AHCY: variants seen among roughly 807,000 people sequenced by gnomAD.
AHCY encodes the protein S-adenosyl-L-homocysteine hydrolase.
A neutral mutation model predicts 45.4 loss-of-function variants in AHCY; 24 were observed. The ratio of observed to expected loss-of-function variants is 0.53; its 90% CI spans 0.38 to 0.74. AHCY has a LOEUF of 0.74. AHCY is among the 30% of genes least tolerant of loss of function. AHCY has a pLI of 0.00. For missense variants in AHCY, 449 were observed against 594.1 expected, an observed-to-expected ratio of 0.76 and a Z score of 2.54; for synonymous variants, 245 against 235.1, an observed-to-expected ratio of 1.04 and a Z score of -0.39.
At chr20:34,248,820 T>G in the AHCY span, among the ~76,000 whole-genome samples, 1 of 151,336 alleles carries the variant, frequency 6.6e-6, no homozygotes, top group Non-Finnish European at 1.5e-5. Flanking sequence ...AAGAAAGAAA[T>G]ATTCAGCAGA....
chr20:34,307,424 A>T (rs2036907277), upstream of AHCY, among the ~76,000 whole-genome samples: 1 of 150,970 alleles, frequency 6.6e-6, no homozygotes, highest in Non-Finnish European at 1.5e-5. Context: ...CCAGGCTGGA[A>T]TGCAATGGCA....
At chr20:34,287,169 A>C (rs2036215123) in intron 8 of AHCY, among the ~76,000 whole-genome samples, 2 of 152,194 alleles carry the variant, frequency 1.3e-5, no homozygotes, top group Non-Finnish European at 2.9e-5. Flanking sequence ...GATGCCCATC[A>C]GGCATTGATT....
At chr20:34,240,601 C>T in the AHCY span, among the ~76,000 whole-genome samples, 2 of 152,192 alleles carry the variant, frequency 1.3e-5, no homozygotes, top group Non-Finnish European at 1.5e-5. Context: ...TGGGCTGGGC[C>T]TCAGCAATCT....
intron 1 of AHCY, among the ~76,000 whole-genome samples, chr20:34,296,655 A>G (rs1449679311): frequency 6.6e-6 from 1 of 152,026 alleles, no homozygotes; most frequent in Non-Finnish European, 1.5e-5. Flanking sequence ...CCTAGGTCAA[A>G]GTTTGCAGAC....
At chr20:34,233,270 C>T in the AHCY span, among the ~76,000 whole-genome samples, 2 of 151,626 alleles carry the variant, frequency 1.3e-5, no homozygotes, top group African/African-American at 4.8e-5. Context: ...GCCTCAGCCT[C>T]CCAAGTAGCT....
intron 9 of AHCY, among the ~76,000 whole-genome samples, chr20:34,282,135 A>G (rs762444115): frequency 6.6e-6 from 1 of 152,152 alleles, no homozygotes; most frequent in Admixed American, 6.5e-5. Flanking sequence ...TTTCTAATGA[A>G]TAGAAGAAAG....
At chr20:34,263,135 A>G in the AHCY span, among the ~76,000 whole-genome samples, 1 of 152,250 alleles carries the variant, frequency 6.6e-6, no homozygotes, top group Non-Finnish European at 1.5e-5. Flanking sequence ...TCTACTAGTT[A>G]GCCCCTGCCT....
chr20:34,238,958 G>T, the AHCY span, among the ~76,000 whole-genome samples: 1 of 152,118 alleles, frequency 6.6e-6, no homozygotes, highest in Non-Finnish European at 1.5e-5. Flanking sequence ...TACAGATTCT[G>T]CCAGTACAAG....
chr20:34,272,193 G>C, the AHCY span, among the ~76,000 whole-genome samples: 1 of 152,168 alleles, frequency 6.6e-6, no homozygotes, highest in Non-Finnish European at 1.5e-5. Flanking sequence ...TGATTCACCT[G>C]ATGTGGGGCC....
chr20:34,293,293 G>A (rs1446816705), intron 3 of AHCY, among the ~76,000 whole-genome samples: 1 of 152,082 alleles, frequency 6.6e-6, no homozygotes, highest in African/African-American at 2.4e-5. Context: ...GGCATGACTA[G>A]GGCACAGGTG....
rs56884249 is a variant in AHCY at position 34,299,146 on chromosome 20, C to T, written c.29-3561G>A. Among the ~76,000 whole-genome samples the T allele has an allele frequency of 5.4e-3, 826 of 152,174 alleles. 9 individuals carry two copies. The highest frequency in any genetic ancestry group is 0.018 in the African/African-American group (760 of 41,504). On this transcript the variant is annotated intron_variant, in intron 1 of 9. Coordinates refer to ENST00000217426, the MANE Select transcript of AHCY (RefSeq NM_000687.4). ...TTGTATCTTTATTTCTACACTCTCT[C>T]GTCGCCGCACACAGGGAGAGACCCA...
chr20:34,248,177 G>A, the AHCY span, among the ~76,000 whole-genome samples: 1 of 151,942 alleles, frequency 6.6e-6, no homozygotes, highest in Non-Finnish European at 1.5e-5. Flanking sequence ...CTGCACTCCA[G>A]CCTGGTGACA....
intron 3 of AHCY, 72 bp downstream of exon 3, chr20:34,294,009 C>T (rs2036489005): frequency 6.8e-7 from 1 of 1,476,490 alleles, no homozygotes; most frequent in Non-Finnish European, 9.4e-7. Flanking sequence ...GTCTGTTGCT[C>T]TAGCAGTCAG....
In AHCY at chr20:34,290,209, A is replaced by T; in HGVS notation, c.972+123T>A. 2 of 940,444 alleles carry T rather than the reference A, an allele frequency of 2.1e-6. No homozygotes were observed. Among genetic ancestry groups the T allele is most frequent in the Non-Finnish European group, 3.5e-6 (2 of 579,190 alleles). The allele number at this position is 940,444 out of a possible 1,614,324, so 58.3% of individuals were successfully genotyped here. A position where few individuals can be genotyped will look rare whatever the true frequency, so the allele number is the denominator to read the frequency against. On this transcript the variant is annotated intron_variant, in intron 8 of 9. Coordinates refer to ENST00000217426, the MANE Select transcript of AHCY (RefSeq NM_000687.4). This position sits in a 1 kb window ranked among gnomAD's most constrained non-coding sequence, Gnocchi z 4.5. ...GCCACGTCTGGCTGGCTCTGATGCT[A>T]GGCCCTCTTCTCCCCATCCCCCTGC... is the stretch of plus-strand genomic sequence containing the variant.
In AHCY at chr20:34,285,539, G is replaced by A. The variant is rs747508381; in HGVS notation, c.1068C>T (p.Phe356=). 1.2e-5 allele frequency: 20 copies of A among 1,614,190 alleles called. No homozygotes were observed. The highest frequency in any genetic ancestry group is 1.7e-5 in the Admixed American group (1 of 60,028). ...NLGCAMGHPS[F]VMSNSFTNQV... is the part of the protein sequence containing the mutation. ...GGTTGGTGAAGGAGTTACTCATCAC[G>A]AAGCTGGGGTGGCCCATGGCACAAC... The change falls in exon 9 of 10, where the codon TTC becomes TTT. Residue 356 remains phenylalanine (F), a synonymous_variant. Transcript: ENST00000217426.
chr20:34,263,393 C>T, the AHCY span, among the ~76,000 whole-genome samples: 5 of 152,146 alleles, frequency 3.3e-5, no homozygotes, highest in East Asian at 5.8e-4. Context: ...GGTGAAACCC[C>T]GTCTCTACTA....
At chr20:34,245,296 T>C in the AHCY span, among the ~76,000 whole-genome samples, 1 of 140,546 alleles carries the variant, frequency 7.1e-6, no homozygotes, top group Non-Finnish European at 1.5e-5. Flanking sequence ...ATCATGCCAT[T>C]GCACTCGAGC....
chr20:34,234,234 C>G, the AHCY span, among the ~76,000 whole-genome samples: 1 of 152,180 alleles, frequency 6.6e-6, no homozygotes, highest in East Asian at 1.9e-4. Flanking sequence ...CAATTTGTTT[C>G]CAGGGCTCAT....
the AHCY span, among the ~76,000 whole-genome samples, chr20:34,235,836 A>AAGGAAGGAAGGAAGGAAGGAAG: frequency 1.6e-5 from 1 of 64,140 alleles, no homozygotes; most frequent in African/African-American, 1.6e-4. Context: ...AAAGAAAGAA[A>AAGGAAGGAAGGAAGGAAGGAAG]GAAAGAAGGA....
Sources: gnomAD v4.1 joint callset for allele counts (sites outside exome capture counted in the v4.1 genomes callset) on GRCh38, gnomAD v4.1.1 for gene constraint, Gnocchi (gnomAD v3.1) non-coding constraint, MANE v1.5 for transcripts, NCBI Gene and HGNC (gene_info 2026-07-23, HGNC 2026-07-21) for gene names.